The following KATNAL1 variants were observed in gnomAD, a reference collection of about 807,000 sequenced individuals.
The protein encoded by KATNAL1 is katanin p60 ATPase-containing subunit A-like 1.
Under a neutral mutation model 55.2 loss-of-function variants are expected in KATNAL1, and 32 were observed. That is an observed-to-expected ratio of 0.58 (90% CI 0.44 to 0.78). The LOEUF is 0.78. Ranked by LOEUF, KATNAL1 falls within the 30% of genes least tolerant of loss-of-function variation. KATNAL1 has a pLI of 0.00. For missense variants in KATNAL1, 466 were observed against 600.9 expected (o/e 0.78, Z 2.35); for synonymous variants, 193 against 193.6 (o/e 1.00, Z 0.02).
intron 9 of KATNAL1, among the ~76,000 whole-genome samples, chr13:30,213,676 A>T (rs954161030): frequency 6.6e-6 from 1 of 151,346 alleles, no homozygotes; most frequent in Non-Finnish European, 1.5e-5. Context: ...CAAAAACCAC[A>T]TGATTATCTC....
intron 3 of KATNAL1, among the ~76,000 whole-genome samples, chr13:30,263,668 G>A (rs559622267): frequency 1.4e-4 from 21 of 149,858 alleles, no homozygotes; most frequent in African/African-American, 5.1e-4. Flanking sequence ...CAACTTACAA[G>A]GGATGTGAAG....
rs1877158381 is a variant in KATNAL1 at position 30,240,516 on chromosome 13, C to G, written c.670G>C (p.Val224Leu). Residue 224 changes from valine to leucine, a missense_variant, in exon 6 of 11, where the codon GTT becomes CTT. Coordinates refer to ENST00000380615, the MANE Select transcript of KATNAL1 (RefSeq NM_032116.5). ...TCAGGCATCCACATTGGAAGAACAA[C>G]AGCTTCCCTTAGCAACTTCTTAGCT... ...EEAKKLLREA[V>L]VLPMWMPDFF... 1 of 1,613,864 alleles carries G rather than the reference C, an allele frequency of 6.2e-7. No homozygotes were observed. The highest frequency in any genetic ancestry group is 8.5e-7 in the Non-Finnish European group (1 of 1,179,834).
intron 4 of KATNAL1, among the ~76,000 whole-genome samples, chr13:30,244,911 C>G (rs1411823271): frequency 6.6e-6 from 1 of 151,920 alleles, no homozygotes; most frequent in Non-Finnish European, 1.5e-5. Context: ...TAATTAATAG[C>G]CTACCAACCA....
At chr13:30,241,169 C>G in intron 4 of KATNAL1, 83 bp from the exon 5 acceptor site, 1 of 1,156,984 alleles carries the variant, frequency 8.6e-7, no homozygotes, top group Non-Finnish European at 1.2e-6. Context: ...CATTATAATG[C>G]CATCACTTTC....
chr13:30,217,181 G>A (rs1025309785), intron 9 of KATNAL1, among the ~76,000 whole-genome samples: 4 of 152,276 alleles, frequency 2.6e-5, no homozygotes, highest in East Asian at 1.9e-4. Context: ...GGCCAGGCGC[G>A]GCGGCTCACG....
At chr13:30,256,602 A>G (rs142539642) in intron 3 of KATNAL1, among the ~76,000 whole-genome samples, 4 of 152,122 alleles carry the variant, frequency 2.6e-5, no homozygotes, top group Admixed American at 6.5e-5. Context: ...TCCGTTCCTC[A>G]TATCAGAAAA....
rs755654145 is a variant in KATNAL1 at position 30,240,997 on chromosome 13, A to C, written c.582T>G (p.Leu194=). The change falls in exon 5 of 11, where the codon CTT becomes CTG. Residue 194 remains leucine, a synonymous_variant. Transcript: ENST00000380615. The stretch of plus-strand genomic sequence containing the variant: ...GATTCCTGGATACAATGTCTCTTTC[A>C]AGGGCTTCCACCAGATCCTTATCAT... ...AGYDKDLVEA[L]ERDIVSRNPS... The C allele has an allele frequency of 6.2e-7, 1 of 1,613,538 alleles. No individual in the cohort carries two copies. The highest frequency in any genetic ancestry group is 8.5e-7 in the Non-Finnish European group (1 of 1,179,700).
At chr13:30,304,218 T>C (rs1477124514) in intron 1 of KATNAL1, among the ~76,000 whole-genome samples, 1 of 151,888 alleles carries the variant, frequency 6.6e-6, no homozygotes, top group Admixed American at 6.6e-5. Flanking sequence ...CTATGCCTCC[T>C]AACTAGGGTC....
intron 9 of KATNAL1, among the ~76,000 whole-genome samples, chr13:30,214,507 A>AC (rs1366288716): frequency 6.6e-6 from 1 of 152,220 alleles, no homozygotes; most frequent in Non-Finnish European, 1.5e-5. Context: ...GCATCAAGCT[A>AC]CCTGACTTCA....
chr13:30,282,038 A>T lies in KATNAL1; in HGVS notation c.162+1578T>A, dbSNP rs868148570. Reference sequence around the variant, plus strand: ...ATTGCTTATAAGTATTATTTGTAAAAAAAAAAAAAATTCTTTTTTAAAAGT... The same window carrying T: ...ATTGCTTATAAGTATTATTTGTAAATAAAAAAAAAATTCTTTTTTAAAAGT... On this transcript the variant is annotated intron_variant, in intron 2 of 10. Transcript: ENST00000380615. Among the ~76,000 whole-genome samples the T allele has an allele frequency of 7.6e-3, 1,154 of 151,692 alleles. 18 individuals are homozygous for T. The highest frequency in any genetic ancestry group is 0.025 in the African/African-American group (1,044 of 41,308).
At chr13:30,250,553 G>T (rs576890936) in intron 4 of KATNAL1, among the ~76,000 whole-genome samples, 1 of 152,000 alleles carries the variant, frequency 6.6e-6, no homozygotes, top group East Asian at 1.9e-4. Flanking sequence ...CTGTTCATTT[G>T]TATAATCAAT....
At chr13:30,217,788 G>C (rs1049474743) in intron 9 of KATNAL1, among the ~76,000 whole-genome samples, 2 of 152,092 alleles carry the variant, frequency 1.3e-5, no homozygotes, top group African/African-American at 4.8e-5. Context: ...ATGACGGTTA[G>C]GTGAGTTGAT....
chr13:30,222,348 C>T (rs949565698), intron 9 of KATNAL1, among the ~76,000 whole-genome samples: 2 of 152,212 alleles, frequency 1.3e-5, no homozygotes, highest in African/African-American at 4.8e-5. Flanking sequence ...GCAGTATCAG[C>T]TCTTCCTGGG....
chr13:30,247,103 A>G (rs901386304), intron 4 of KATNAL1, among the ~76,000 whole-genome samples: 7 of 152,184 alleles, frequency 4.6e-5, no homozygotes, highest in African/African-American at 1.7e-4. Flanking sequence ...AAAGGTAAGT[A>G]AATTGCCCAA....
Position 30,275,043 on chromosome 13 carries a change from G to C in KATNAL1, c.323+5020C>G, listed in dbSNP as rs1379237519. Among the ~76,000 whole-genome samples the C allele has an allele frequency of 2.0e-5, 3 of 151,936 alleles. No individual in the cohort carries two copies. The East Asian group carries it at 5.8e-4, about 29-fold the overall frequency. ...AGATACAGAAAGACACATACTACGT[G>C]ATCTGACTGTGTTAGTCTGTTTTTG... On this transcript the variant is annotated intron_variant, in intron 3 of 10. Coordinates refer to ENST00000380615, the MANE Select transcript of KATNAL1 (RefSeq NM_032116.5).
chr13:30,297,168 AAAG>A (rs896732948), intron 1 of KATNAL1, among the ~76,000 whole-genome samples: 20 of 151,812 alleles, frequency 1.3e-4, no homozygotes, highest in East Asian at 9.6e-4. Flanking sequence ...AGAAAAAAGA[AAAG>A]AAGGAGGAGG....
intron 9 of KATNAL1, among the ~76,000 whole-genome samples, chr13:30,211,720 A>G (rs1004974197): frequency 6.6e-6 from 1 of 152,242 alleles, no homozygotes; most frequent in African/African-American, 2.4e-5. Flanking sequence ...ACGGGCAGAT[A>G]CCAAAATGTT....
chr13:30,276,367 G>C (rs927958852), intron 3 of KATNAL1, among the ~76,000 whole-genome samples: 1 of 152,126 alleles, frequency 6.6e-6, no homozygotes, highest in Non-Finnish European at 1.5e-5. Flanking sequence ...GTCAGCAATA[G>C]GAATGGAGAA....
At chr13:30,265,090 G>T (rs1291784449) in intron 3 of KATNAL1, among the ~76,000 whole-genome samples, 1 of 151,416 alleles carries the variant, frequency 6.6e-6, no homozygotes, top group South Asian at 2.1e-4. Flanking sequence ...GGATGAAATT[G>T]GAAATCATCA....
Sources: allele counts gnomAD v4.1 joint callset (sites outside exome capture counted in the v4.1 genomes callset), GRCh38; gene constraint gnomAD v4.1.1; transcripts MANE v1.5; gene names NCBI Gene and HGNC (gene_info 2026-07-23, HGNC 2026-07-21).